Variants in SYTL5 observed in about 807,000 individuals in gnomAD.
SYTL5 encodes synaptotagmin-like protein 5.
SYTL5 carries 34 observed loss-of-function variants against 55.9 expected under a neutral mutation model. The ratio of observed to expected loss-of-function variants is 0.61; its 90% confidence interval spans 0.46 to 0.81. The LOEUF is 0.81. SYTL5 is among the 30% of genes least tolerant of loss of function. The pLI, the probability that SYTL5 is intolerant of heterozygous loss-of-function variation, is 0.00. For synonymous variants in SYTL5, 221 were observed against 188.7 expected, an observed-to-expected ratio of 1.17 and a Z score of -1.40; for missense variants, 637 against 546.7, an observed-to-expected ratio of 1.17 and a Z score of -1.65.
chrX:37,964,095 C>G, the SYTL5 span, among the ~76,000 whole-genome samples: 3 of 111,341 alleles, frequency 2.7e-5, no homozygotes, highest in Non-Finnish European at 5.7e-5. Flanking sequence ...GAAGATAGGG[C>G]CTTTGGGAAG....
At chrX:38,024,572 A>G (rs1007426891) in intron 1 of SYTL5, among the ~76,000 whole-genome samples, 5 of 111,522 alleles carry the variant, frequency 4.5e-5, no homozygotes, top group Non-Finnish European at 9.4e-5. Context: ...CCTCAAATGT[A>G]GTGGTTACAA....
At chrX:38,098,309 G>C (rs985355090) in intron 9 of SYTL5, among the ~76,000 whole-genome samples, 1 of 111,319 alleles carries the variant, frequency 9.0e-6, no homozygotes, top group African/African-American at 3.2e-5. Context: ...TAAAGGACTT[G>C]TATCTAGAAT....
the SYTL5 span, among the ~76,000 whole-genome samples, chrX:37,931,675 G>A: frequency 8.9e-6 from 1 of 111,870 alleles, no homozygotes; most frequent in East Asian, 2.8e-4. Flanking sequence ...TATAGTAGGT[G>A]CTCCAAAATT....
At chrX:38,096,410 A>G (rs760263991) in intron 9 of SYTL5, among the ~76,000 whole-genome samples, 176 bp downstream of exon 9, 1 of 111,678 alleles carries the variant, frequency 9.0e-6, no homozygotes, top group Non-Finnish European at 1.9e-5. Context: ...AACTTAGAAA[A>G]TATAATGGGT....
intron 1 of SYTL5, among the ~76,000 whole-genome samples, chrX:38,009,938 A>C (rs1162401288): frequency 8.9e-6 from 1 of 112,179 alleles, no homozygotes; most frequent in Non-Finnish European, 1.9e-5. Flanking sequence ...TATTAAAGTA[A>C]GATTTGTTGC....
At position 38,122,157 on chromosome X, in the gene SYTL5, G is replaced by A. The variant is rs1937578329; in HGVS notation, c.1783G>A (p.Glu595Lys). The change falls in exon 15 of 17, where the codon GAG becomes AAG. Residue 595 changes from glutamate to lysine, a missense_variant. Coordinates refer to ENST00000297875, the MANE Select transcript of SYTL5 (RefSeq NM_138780.3). ...SGGILEVFIK[E>K]AKNLTAVKSG... ...AGGAATACTAGAAGTGTTCATCAAA[G>A]AGGCAAAGAATTTGACAGCAGTGAA... is the stretch of plus-strand genomic sequence containing the variant. 1 of 1,206,645 alleles carries A rather than the reference G, an allele frequency of 8.3e-7. No individual in the cohort carries two copies. Among genetic ancestry groups the A allele is most frequent in the African/African-American group, 1.7e-5 (1 of 57,166 alleles).
At chrX:38,118,920 A>AATATATATATATATATATATATATAT (rs61288420) in intron 13 of SYTL5, among the ~76,000 whole-genome samples, 9 of 88,989 alleles carry the variant, frequency 1.0e-4, no homozygotes, top group African/African-American at 4.0e-4. Flanking sequence ...ATGCCCAGCT[A>AATATATATATATATATATATATATAT]ATATATATAT....
chrX:38,128,615 C>T lies in SYTL5; in HGVS notation c.*1885C>T, dbSNP rs1164701430. ...TAGTATTATTATTAGTAAGGGAATA[C>T]GCAATCCAGTTTCAATTTTATTCAG... On this transcript the variant is annotated 3_prime_UTR_variant, in exon 17 of 17. Coordinates refer to ENST00000297875, the MANE Select transcript of SYTL5 (RefSeq NM_138780.3). 3.6e-5 allele frequency: 4 copies of T among 111,646 alleles called. No individual in the cohort carries two copies. Among genetic ancestry groups the T allele is most frequent in the South Asian group, 3.7e-4 (1 of 2,677 alleles). The allele number at this position is 111,646 out of a possible 1,213,427, so 9.2% of individuals were successfully genotyped here.
At chrX:38,057,157 T>C (rs947500681) in intron 3 of SYTL5, among the ~76,000 whole-genome samples, 1 of 111,888 alleles carries the variant, frequency 8.9e-6, no homozygotes, top group East Asian at 2.8e-4. Flanking sequence ...ATTTGATTTT[T>C]GTATGTGGTG....
chrX:38,082,055 CT>C (rs1255169072), intron 6 of SYTL5, among the ~76,000 whole-genome samples: 1 of 111,846 alleles, frequency 8.9e-6, no homozygotes, highest in Non-Finnish European at 1.9e-5. Context: ...TGTTCAGCCC[CT>C]GATTTCTGTT....
intron 10 of SYTL5, among the ~76,000 whole-genome samples, chrX:38,105,846 T>C (rs1285176563): frequency 4.4e-5 from 5 of 112,412 alleles, no homozygotes; most frequent in Non-Finnish European, 9.4e-5. Flanking sequence ...CATTAGTGTC[T>C]TGTCAAAAGC....
At position 38,043,661 on chromosome X, in the gene SYTL5, G is replaced by GTATA. The variant is rs35312093; in HGVS notation, c.119+9680_119+9683dup. On this transcript the variant is annotated intron_variant, in intron 2 of 16. Transcript: ENST00000297875. ...CTGTAACTTTTATGTATGTATGTATGTATATATATATATATATATATATAT... is the reference window on the plus strand; with the variant it reads ...CTGTAACTTTTATGTATGTATGTATGTATATATATATATATATATATATATATAT... 9.2e-3 allele frequency among the ~76,000 whole-genome samples: 462 copies of GTATA among 49,991 alleles called. 10 individuals are homozygous for GTATA. Among genetic ancestry groups the GTATA allele is most frequent in the East Asian group, 0.042 (52 of 1,228 alleles). 43.4% of individuals were successfully genotyped at this position (49,991 alleles called of 115,157 possible). A position where few individuals can be genotyped will look rare whatever the true frequency, so the allele number is the denominator to read the frequency against.
intron 15 of SYTL5, among the ~76,000 whole-genome samples, chrX:38,123,605 C>G (rs1465303210): frequency 1.8e-5 from 2 of 111,851 alleles, no homozygotes; most frequent in Non-Finnish European, 3.8e-5. Flanking sequence ...TGTCATTAGC[C>G]CTACCATCCA....
the SYTL5 span, among the ~76,000 whole-genome samples, chrX:37,894,800 G>C: frequency 8.3e-5 from 4 of 47,972 alleles, no homozygotes; most frequent in African/African-American, 2.7e-4. Flanking sequence ...GGTGGAGGAA[G>C]GGTGAATTTC....
rs1935120259 is a variant in SYTL5 at position 38,036,817 on chromosome X, C to T, written c.119+2809C>T. The stretch of plus-strand genomic sequence containing the variant: ...GGATAAATCTAGTTTCCCCATTTGA[C>T]AACAGAAATAATATCAGTGACATCA... On this transcript the variant is annotated intron_variant, in intron 2 of 16. Coordinates refer to ENST00000297875, the MANE Select transcript of SYTL5 (RefSeq NM_138780.3). 3.6e-5 allele frequency among the ~76,000 whole-genome samples: 4 copies of T among 111,853 alleles called. No homozygotes were observed. In the South Asian group the frequency reaches 1.5e-3, roughly 42 times the overall value.
upstream of SYTL5, among the ~76,000 whole-genome samples, chrX:38,004,863 C>T (rs1438520761): frequency 9.1e-6 from 1 of 110,082 alleles, no homozygotes. Context: ...TTTCTTAGTA[C>T]AACAGGGTGA....
the SYTL5 span, among the ~76,000 whole-genome samples, chrX:37,957,275 G>T: frequency 9.0e-6 from 1 of 110,904 alleles, no homozygotes; most frequent in Non-Finnish European, 1.9e-5. Context: ...GAAGCTTTTT[G>T]GTTTGATATA....
In SYTL5 at chrX:38,010,977, A is replaced by G. The variant is rs766125980; in HGVS notation, c.-357+4309A>G. 1.5e-3 allele frequency among the ~76,000 whole-genome samples: 165 copies of G among 111,724 alleles called. 1 individual carries two copies. The highest frequency in any genetic ancestry group is 5.2e-3 in the African/African-American group (159 of 30,807). On this transcript the variant is annotated intron_variant, in intron 1 of 16. Transcript: ENST00000297875. ...TACATAAGAATAAACTGAGGATCAT[A>G]GAGGTTAATTGGTAATTGGACCAGA...
At chrX:37,942,943 C>G in the SYTL5 span, among the ~76,000 whole-genome samples, 1 of 111,432 alleles carries the variant, frequency 9.0e-6, no homozygotes, top group Non-Finnish European at 1.9e-5. Flanking sequence ...TTCTGGCCAC[C>G]TTAGTCTCTC....
Sources: gnomAD v4.1 joint callset for allele counts (sites outside exome capture counted in the v4.1 genomes callset) on GRCh38, gnomAD v4.1.1 for gene constraint, MANE v1.5 for transcripts, NCBI Gene and HGNC (gene_info 2026-07-23, HGNC 2026-07-21) for gene names.